Variants in PRDM5 observed in about 807,000 individuals in gnomAD.
PRDM5 encodes PR/SET domain 5, also known as PR domain zinc finger protein 5.
Under a neutral mutation model 81.2 loss-of-function variants are expected in PRDM5, and 56 were observed. The observed-to-expected ratio is 0.69, with a 90% confidence interval of 0.56 to 0.86. The LOEUF is 0.86. PRDM5 is among the 40% of genes least tolerant of loss of function. The probability of loss-of-function intolerance (pLI) is 0.00; values close to 1 mark genes in which losing one functional copy is unlikely to be tolerated. For missense variants in PRDM5, 697 were observed against 770.1 expected (o/e 0.91, Z 1.12); for synonymous variants, 267 against 256.4 (o/e 1.04, Z -0.39).
At chr4:120,763,572 C>T (rs923551708) in intron 13 of PRDM5, among the ~76,000 whole-genome samples, 1 of 152,150 alleles carries the variant, frequency 6.6e-6, no homozygotes, top group East Asian at 1.9e-4. Flanking sequence ...AAAAACTCTT[C>T]CATGAGTGTT....
rs573435327 is a variant in PRDM5 at position 120,754,628 on chromosome 4, G to A, written c.1548C>T (p.Pro516=). ...CTTTTTCACAGTAAGGACATTGATA[G>A]GGACGCTCACCTACAAATAAAGGAA... ...VHIRSHTGER[P]YQCPYCEKGF... The change falls in exon 14 of 16, where the codon CCC becomes CCT. Residue 516 remains proline, a synonymous_variant. Coordinates refer to ENST00000264808, the MANE Select transcript of PRDM5 (RefSeq NM_018699.4). 3.1e-6 allele frequency: 5 copies of A among 1,596,760 alleles called. No homozygotes were observed. The Admixed American group carries it at 5.0e-5, about 16-fold the overall frequency.
intron 15 of PRDM5, among the ~76,000 whole-genome samples, chr4:120,703,187 GT>G (rs1044059843): frequency 2.0e-5 from 3 of 151,416 alleles, no homozygotes; most frequent in African/African-American, 7.3e-5. Flanking sequence ...TTTTTGTTTT[GT>G]TTTTGTTTTT....
intron 3 of PRDM5, among the ~76,000 whole-genome samples, chr4:120,851,879 G>A (rs72680433): frequency 0.061 from 9,281 of 152,142 alleles, 449 homozygotes; most frequent in Middle Eastern, 0.17. Flanking sequence ...CTTGAACAGT[G>A]TACATGGTAG....
intron 2 of PRDM5, among the ~76,000 whole-genome samples, chr4:120,863,227 T>C (rs12509211): frequency 0.27 from 30,049 of 111,852 alleles, 3,520 homozygotes; most frequent in Non-Finnish European, 0.32. Flanking sequence ...CACACACACA[T>C]ATATATGTAT....
chr4:120,732,242 T>C (rs879466436), intron 14 of PRDM5, among the ~76,000 whole-genome samples: 5 of 152,216 alleles, frequency 3.3e-5, no homozygotes, highest in Admixed American at 1.3e-4. Flanking sequence ...CATATGATCA[T>C]TAGGAAGATT....
In PRDM5 at chr4:120,843,459, T is replaced by C. The variant is rs540302579; in HGVS notation, c.300+9959A>G. On this transcript the variant is annotated intron_variant, in intron 3 of 15. Coordinates refer to ENST00000264808, the MANE Select transcript of PRDM5 (RefSeq NM_018699.4). ...GGCTAATGCCTGTAATCCCAGCACT[T>C]TGTGAGGCCAAGGCAGGAGGATCAC... Among the ~76,000 whole-genome samples, 6 of 151,928 alleles carry C rather than the reference T, an allele frequency of 3.9e-5. No homozygotes were observed. In the South Asian group the frequency reaches 1.2e-3, roughly 32 times the overall value.
rs374583073 is a variant in PRDM5, at chr4:120,907,545, C to G, written c.106G>C (p.Gly36Arg). The change falls in exon 2 of 16, where the codon GGA becomes CGA. Residue 36 changes from glycine to arginine, a missense_variant. Gly to Arg is a moderately radical substitution (Grantham distance 125, BLOSUM62 -2). Around this residue, in one of 3 missense-constraint regions of PRDM5, gnomAD observed 577 missense variants for 606.7 expected, o/e 0.95. Transcript: ENST00000264808. ...ATTCTCTTCTCTCCAGCAAAGGGTC[C>G]GAACTTTTCACCCTGAGTAGCAATG... ...ARRVRKGEKF[G>R]PFAGEKRMPE... The G allele has an allele frequency of 6.2e-7, 1 of 1,611,136 alleles. No homozygotes were observed. Among genetic ancestry groups the G allele is most frequent in the Non-Finnish European group, 8.5e-7 (1 of 1,177,448 alleles).
chr4:120,727,576 C>A (rs1307985347), intron 14 of PRDM5, among the ~76,000 whole-genome samples: 1 of 152,170 alleles, frequency 6.6e-6, no homozygotes, highest in Non-Finnish European at 1.5e-5. Flanking sequence ...GGTACTAAAG[C>A]TTAACAAGCA....
chr4:120,794,012 C>G (rs1399584920), intron 10 of PRDM5, among the ~76,000 whole-genome samples: 1 of 152,106 alleles, frequency 6.6e-6, no homozygotes, highest in African/African-American at 2.4e-5. Flanking sequence ...AGAGAAAGAA[C>G]AATTAAAATA....
chr4:120,817,190 G>C (rs1007100152), intron 5 of PRDM5, among the ~76,000 whole-genome samples: 2 of 152,096 alleles, frequency 1.3e-5, no homozygotes, highest in African/African-American at 4.8e-5. Flanking sequence ...GTCCTTGCTT[G>C]TTTTTTAAGG....
intron 15 of PRDM5, among the ~76,000 whole-genome samples, chr4:120,707,865 A>T (rs1268148310): frequency 2.6e-5 from 4 of 152,146 alleles, no homozygotes. Flanking sequence ...TTGAAGAAAC[A>T]TTTCTCCAGA....
At chr4:120,704,688 A>G (rs4833668) in intron 15 of PRDM5, among the ~76,000 whole-genome samples, 38,235 of 152,116 alleles carry the variant, frequency 0.25, 5,028 homozygotes, top group Non-Finnish European at 0.28. Context: ...GTAAAGTCAC[A>G]AGCATAGTAC....
At chr4:120,720,242 AG>A (rs1431716125) in intron 14 of PRDM5, among the ~76,000 whole-genome samples, 1 of 152,200 alleles carries the variant, frequency 6.6e-6, no homozygotes. Flanking sequence ...AGCTACAGAC[AG>A]GGGCCTGTGG....
intron 3 of PRDM5, among the ~76,000 whole-genome samples, chr4:120,835,095 T>A (rs530795136): frequency 6.6e-6 from 1 of 152,364 alleles, no homozygotes; most frequent in East Asian, 1.9e-4. Context: ...TGAGCACTTA[T>A]GAGCTCTTAG....
At chr4:120,741,451 G>A (rs1354011259) in intron 14 of PRDM5, among the ~76,000 whole-genome samples, 3 of 151,680 alleles carry the variant, frequency 2.0e-5, no homozygotes, top group African/African-American at 7.3e-5. Flanking sequence ...GAACAGCTCT[G>A]GTCTACAGCT....
chr4:120,776,061 G>C (rs1748110129), intron 13 of PRDM5, among the ~76,000 whole-genome samples: 1 of 151,746 alleles, frequency 6.6e-6, no homozygotes, highest in South Asian at 2.1e-4. Context: ...TTTTCATTTT[G>C]GGGCTCTCTG....
At chr4:120,827,882 T>G (rs1225917949) in intron 3 of PRDM5, among the ~76,000 whole-genome samples, 2 of 152,164 alleles carry the variant, frequency 1.3e-5, no homozygotes, top group African/African-American at 4.8e-5. Context: ...ATGTCCTCAT[T>G]GTAAAATAGA....
At chr4:120,761,927 T>C (rs375977481) in intron 13 of PRDM5, among the ~76,000 whole-genome samples, 1 of 152,142 alleles carries the variant, frequency 6.6e-6, no homozygotes, top group Admixed American at 6.5e-5. Flanking sequence ...TTGAAGATGA[T>C]AAATTATGTG....
chr4:120,865,085 G>A (rs1345845297), intron 2 of PRDM5, among the ~76,000 whole-genome samples: 1 of 152,168 alleles, frequency 6.6e-6, no homozygotes, highest in Non-Finnish European at 1.5e-5. Flanking sequence ...GAAAACCAGG[G>A]CTTCTTCCCT....
Sources: allele counts gnomAD v4.1 joint callset (sites outside exome capture counted in the v4.1 genomes callset), GRCh38; gene constraint gnomAD v4.1.1; regional missense constraint gnomAD v4.1.1; transcripts MANE v1.5; gene names NCBI Gene and HGNC (gene_info 2026-07-23, HGNC 2026-07-21).